NXPE3: variants seen among roughly 807,000 people sequenced by gnomAD.
NXPE3 encodes NXPE family member 3.
In NXPE3, 26 loss-of-function variants were observed where a neutral mutation model predicts 46.1. The ratio of observed to expected loss-of-function variants is 0.56; its 90% CI spans 0.41 to 0.78. The LOEUF (loss-of-function observed/expected upper bound fraction) is 0.78. Ranked by LOEUF, NXPE3 falls within the 30% of genes least tolerant of loss-of-function variation. The pLI, the probability that NXPE3 is intolerant of heterozygous loss-of-function variation, is 0.00. For missense variants in NXPE3, 620 were observed against 686.0 expected, an observed-to-expected ratio of 0.90 and a Z score of 1.07; for synonymous variants, 272 against 257.9, an observed-to-expected ratio of 1.05 and a Z score of -0.52.
Position 101,816,806 on chromosome 3 carries a change from C to G in NXPE3, c.934C>G (p.Leu312Val), listed in dbSNP as rs1941990519. The change falls in exon 7 of 8, where the codon CTA becomes GTA. Residue 312 changes from leucine (L) to valine (V), a missense_variant. Leu to Val is a conservative substitution (Grantham distance 32). Coordinates refer to ENST00000273347, the MANE Select transcript of NXPE3 (RefSeq NM_145037.4). ...IPRRIKETNS[L>V]ELSQGSGTFP... ...TTTTTTCTTTGCAGAAACTAACAGT[C>G]TAGAACTATCTCAAGGCTCAGGAAC... 1 of 1,613,082 alleles carries G rather than the reference C, an allele frequency of 6.2e-7. No individual in the cohort carries two copies. Among genetic ancestry groups the G allele is most frequent in the East Asian group, 2.2e-5 (1 of 44,862 alleles).
At chr3:101,784,591 A>G (rs1940036165) in intron 3 of NXPE3, among the ~76,000 whole-genome samples, 1 of 152,180 alleles carries the variant, frequency 6.6e-6, no homozygotes, top group South Asian at 2.1e-4. Flanking sequence ...CCCTTCATGG[A>G]AAGTCTCCCT....
rs190766904 is a variant in NXPE3 at position 101,780,772 on chromosome 3, C to T, written c.-497-1338C>T. ...TTATATAACTGATTTTATTACTTCTCCACTTGCTATGTAACCTCCATGAAT... is the reference window on the plus strand; with the variant it reads ...TTATATAACTGATTTTATTACTTCTTCACTTGCTATGTAACCTCCATGAAT... On this transcript the variant is annotated intron_variant, in intron 1 of 7. Transcript: ENST00000273347. Among the ~76,000 whole-genome samples, 230 of 152,310 alleles carry T rather than the reference C, an allele frequency of 1.5e-3. 1 individual carries two copies. Among genetic ancestry groups the T allele is most frequent in the African/African-American group, 5.4e-3 (224 of 41,576 alleles).
At position 101,822,361 on chromosome 3, in the gene NXPE3, C is replaced by A. The variant is rs981734931; in HGVS notation, c.*407C>A. ...ATCTGGTAAAGGAAATTGAGTGCAT[C>A]TGCATGCATAGCACAAGTAATCCAT... On this transcript the variant is annotated 3_prime_UTR_variant, in exon 8 of 8. Transcript: ENST00000273347. 5.9e-6 allele frequency: 1 copy of A among 170,018 alleles called. No homozygotes were observed. Among genetic ancestry groups the A allele is most frequent in the African/African-American group, 2.4e-5 (1 of 41,782 alleles). 10.5% of individuals were successfully genotyped at this position (170,018 alleles called of 1,614,324 possible).
chr3:101,808,818 G>GATAGATATATAT (rs1553802986), intron 6 of NXPE3, among the ~76,000 whole-genome samples: 9 of 30,808 alleles, frequency 2.9e-4, no homozygotes, highest in African/African-American at 8.2e-4. Context: ...AATTTTAGAG[G>GATAGATATATAT]ATATATATAT....
rs531853263 is a variant in NXPE3, at chr3:101,806,607, T to TG, written c.849-440dup. Among the ~76,000 whole-genome samples the TG allele has an allele frequency of 1.4e-3, 216 of 152,282 alleles. 2 individuals carry two copies. Among genetic ancestry groups the TG allele is most frequent in the Middle Eastern group, 6.8e-3 (2 of 294 alleles). ...GCAAAGTACTGCATGAGTAAGTATC[T>TG]GGGGGGCAAGTGTCCCCACTAGGAC... On this transcript the variant is annotated intron_variant, in intron 5 of 7. Transcript: ENST00000273347.
intron 4 of NXPE3, among the ~76,000 whole-genome samples, chr3:101,799,059 C>T (rs1350891860): frequency 6.6e-6 from 1 of 152,118 alleles, no homozygotes; most frequent in African/African-American, 2.4e-5. Context: ...CTCAGCCTTC[C>T]GTGTAGCTAG....
At chr3:101,793,545 T>C (rs1186950454) in intron 4 of NXPE3, among the ~76,000 whole-genome samples, 1 of 151,582 alleles carries the variant, frequency 6.6e-6, no homozygotes, top group Non-Finnish European at 1.5e-5. Flanking sequence ...ATTTTGCTGT[T>C]TGTTTTTTAT....
Position 101,798,562 on chromosome 3 carries a change from T to A in NXPE3, c.94-2673T>A, listed in dbSNP as rs558932499. ...ATATGTATGTAGATATATGTCTATA[T>A]ATATAATGTATATATATGTGTGTCT... is the stretch of plus-strand genomic sequence containing the variant. On this transcript the variant is annotated intron_variant, in intron 4 of 7. Coordinates refer to ENST00000273347, the MANE Select transcript of NXPE3 (RefSeq NM_145037.4). 1.4e-4 allele frequency among the ~76,000 whole-genome samples: 20 copies of A among 146,774 alleles called. 1 individual carries two copies. Among genetic ancestry groups the A allele is most frequent in the African/African-American group, 4.2e-4 (17 of 40,210 alleles).
chr3:101,798,912 G>A (rs113724005), intron 4 of NXPE3, among the ~76,000 whole-genome samples: 1 of 151,978 alleles, frequency 6.6e-6, no homozygotes, highest in South Asian at 2.1e-4. Context: ...GAGCCACTGT[G>A]CCCAGCCCAG....
chr3:101,811,430 A>C (rs141947957), intron 6 of NXPE3, among the ~76,000 whole-genome samples: 13 of 152,350 alleles, frequency 8.5e-5, no homozygotes, highest in Non-Finnish European at 1.8e-4. Context: ...GAATTTTCAC[A>C]ATAACCCTTC....
intron 6 of NXPE3, among the ~76,000 whole-genome samples, chr3:101,815,278 A>T (rs1941921867): frequency 1.3e-5 from 2 of 152,228 alleles, no homozygotes; most frequent in Non-Finnish European, 2.9e-5. Context: ...TATAATGGAG[A>T]ATAATCCGTT....
Position 101,811,727 on chromosome 3 carries a change from A to ATTT in NXPE3, c.922+4623_922+4625dup, listed in dbSNP as rs33999838. Among the ~76,000 whole-genome samples the ATTT allele has an allele frequency of 2.7e-3, 266 of 98,592 alleles. 1 individual carries two copies. The highest frequency in any genetic ancestry group is 4.3e-3 in the Non-Finnish European group (208 of 48,714). 64.7% of individuals were successfully genotyped at this position (98,592 alleles called of 152,430 possible). ...TGCTTTGGTTTGCCTGCAGTAGTTAATTTTTTTTTTTTTTTTTTTTTTTTG... is the reference window on the plus strand; with the variant it reads ...TGCTTTGGTTTGCCTGCAGTAGTTAATTTTTTTTTTTTTTTTTTTTTTTTTTTG... On this transcript the variant is annotated intron_variant, in intron 6 of 7. Coordinates refer to ENST00000273347, the MANE Select transcript of NXPE3 (RefSeq NM_145037.4).
chr3:101,794,499 T>A (rs1940709301), intron 4 of NXPE3, among the ~76,000 whole-genome samples: 1 of 152,168 alleles, frequency 6.6e-6, no homozygotes, highest in Non-Finnish European at 1.5e-5. Context: ...GTGTGGGACT[T>A]GAAATAATGG....
At position 101,821,795 on chromosome 3, in the gene NXPE3, C is replaced by T. The variant is rs1488723880; in HGVS notation, c.1521C>T (p.Thr507=). The T allele has an allele frequency of 6.2e-7, 1 of 1,614,192 alleles. No individual in the cohort carries two copies. Among genetic ancestry groups the T allele is most frequent in the African/African-American group, 1.3e-5 (1 of 75,052 alleles). ...ACTGGTACAACTTTCAGCTGGACAC[C>T]ATCCTTCGGAGGATGTTCTCAGGGG... ...NSDWYNFQLD[T]ILRRMFSGVG... is the part of the protein sequence containing the mutation. The change falls in exon 8 of 8, where the codon ACC becomes ACT. Residue 507 remains threonine (T), a synonymous_variant. Transcript: ENST00000273347.
intron 4 of NXPE3, among the ~76,000 whole-genome samples, chr3:101,794,135 G>A (rs912870852): frequency 6.6e-6 from 1 of 150,798 alleles, no homozygotes; most frequent in Non-Finnish European, 1.5e-5. Context: ...GTTGTTTCAT[G>A]TGAGAGGCTA....
intron 5 of NXPE3, among the ~76,000 whole-genome samples, chr3:101,803,732 ACCT>A (rs566775434): frequency 5.3e-5 from 8 of 152,002 alleles, no homozygotes; most frequent in Non-Finnish European, 1.2e-4. Flanking sequence ...GGATTCTCCC[ACCT>A]CAGCCTCCCG....
Position 101,821,617 on chromosome 3 carries a change from T to G in NXPE3, c.1343T>G (p.Phe448Cys). 6.2e-7 allele frequency: 1 copy of G among 1,614,212 alleles called. No homozygotes were observed. The highest frequency in any genetic ancestry group is 8.5e-7 in the Non-Finnish European group (1 of 1,180,034). ...TVVAIAVWSH[F>C]STFPLEVYIR... Reference sequence around the variant, plus strand: ...GTTGCCATAGCTGTATGGTCTCACTTCAGCACCTTCCCTTTGGAAGTGTAC... The same window carrying G: ...GTTGCCATAGCTGTATGGTCTCACTGCAGCACCTTCCCTTTGGAAGTGTAC... The change falls in exon 8 of 8, where the codon TTC becomes TGC. Residue 448 changes from phenylalanine to cysteine, a missense_variant. Phe to Cys is a radical substitution (Grantham distance 205). Transcript: ENST00000273347.
intron 4 of NXPE3, among the ~76,000 whole-genome samples, chr3:101,797,440 A>G (rs1220240623): frequency 7.3e-6 from 1 of 136,442 alleles, no homozygotes; most frequent in East Asian, 2.1e-4. Flanking sequence ...TTTTTTTATT[A>G]TACTTTAAGT....
chr3:101,808,830 T>TAC (rs1941560192), intron 6 of NXPE3, among the ~76,000 whole-genome samples: 2 of 104,272 alleles, frequency 1.9e-5, no homozygotes, highest in African/African-American at 4.1e-5. Context: ...TATATATATA[T>TAC]ATATATATAT....
Sources: gnomAD v4.1 joint callset for allele counts (sites outside exome capture counted in the v4.1 genomes callset) on GRCh38, gnomAD v4.1.1 for gene constraint, MANE v1.5 for transcripts, NCBI Gene and HGNC (gene_info 2026-07-23, HGNC 2026-07-21) for gene names.